The following FBXL19 variants were observed in gnomAD, a reference collection of about 807,000 sequenced individuals.
The protein encoded by FBXL19 is F-box and leucine rich repeat protein 19, also known as F-box/LRR-repeat protein 19.
A neutral mutation model predicts 71.2 loss-of-function variants in FBXL19; 16 were observed. That is an observed-to-expected ratio of 0.22 (90% CI 0.15 to 0.34). The LOEUF (loss-of-function observed/expected upper bound fraction) is 0.34. Among genes scored for constraint, FBXL19 ranks in the 10% least tolerant of loss-of-function variants. The probability of loss-of-function intolerance (pLI) is 1.00; values close to 1 mark genes in which losing one functional copy is unlikely to be tolerated. For synonymous variants in FBXL19, 447 were observed against 409.4 expected, an observed-to-expected ratio of 1.09 and a Z score of -1.11; for missense variants, 658 against 968.2, an observed-to-expected ratio of 0.68 and a Z score of 4.25.
rs553463681 is a variant in FBXL19, at chr16:30,944,290, G to A, written c.1627+1754G>A. On this transcript the variant is annotated intron_variant, in intron 9 of 10. Coordinates refer to ENST00000338343, the MANE Select transcript of FBXL19 (RefSeq NM_001382779.1). ...TTGTGTCATGGGGGTTTGTTGTACC[G>A]ATTATTTCATCACCCAGGTATTAAG... Among the ~76,000 whole-genome samples, 14 of 148,488 alleles carry A rather than the reference G, an allele frequency of 9.4e-5. No homozygotes were observed. The South Asian group carries it at 2.3e-3, about 25-fold the overall frequency.
In FBXL19 at chr16:30,942,189, G is replaced by A; in HGVS notation, c.1375G>A (p.Gly459Ser). ...RKSLTPPMLS[G>S]VVRRQPRALD... ...GTCACTGACCCCGCCCATGCTCAGT[G>A]GTGTGGTTCGCCGCCAGCCCCGTGC... The change falls in exon 8 of 11, where the codon GGT becomes AGT. Residue 459 changes from glycine to serine, a missense_variant. Transcript: ENST00000338343. The surrounding 1 kb of genome is among the most constrained non-coding windows in gnomAD (Gnocchi z 5.7). 1 of 1,594,672 alleles carries A rather than the reference G, an allele frequency of 6.3e-7. No homozygotes were observed. Among genetic ancestry groups the A allele is most frequent in the Non-Finnish European group, 8.5e-7 (1 of 1,171,038 alleles).
rs2055584128 is a variant in FBXL19, at chr16:30,925,837, C to G, written c.83C>G (p.Thr28Ser). The change falls in exon 2 of 11, where the codon ACT (threonine) becomes AGT (serine). Residue 28 changes from threonine to serine, a missense_variant. Transcript: ENST00000338343. This position sits in a 1 kb window ranked among gnomAD's most constrained non-coding sequence, Gnocchi z 5.0. ...RCRRCRACVR[T>S]ECGDCHFCRD... ...CGCCGCTGCCGGGCCTGTGTGCGAA[C>G]TGAGTGCGGGGATTGCCACTTCTGC... 3 of 1,518,010 alleles carry G rather than the reference C, an allele frequency of 2.0e-6. No individual in the cohort carries two copies. In the African/African-American group the frequency reaches 4.3e-5, roughly 22 times the overall value. The allele number at this position is 1,518,010 out of a possible 1,614,324, so 94.0% of individuals were successfully genotyped here.
chr16:30,947,381 C>T lies in FBXL19; in HGVS notation c.*151C>T. 1 of 633,606 alleles carries T rather than the reference C, an allele frequency of 1.6e-6. No individual in the cohort carries two copies. Among genetic ancestry groups the T allele is most frequent in the Non-Finnish European group, 2.7e-6 (1 of 367,380 alleles). The allele number at this position is 633,606 out of a possible 1,614,324, so 39.2% of individuals were successfully genotyped here. A position where few individuals can be genotyped will look rare whatever the true frequency, so the allele number is the denominator to read the frequency against. On this transcript the variant is annotated 3_prime_UTR_variant, in exon 11 of 11. Transcript: ENST00000338343. ...TTCCCACCCAGGGACTCAAGCCAGC[C>T]ACCCCCTTCTTTCCCCCCTGCACTG...
intron 7 of FBXL19, among the ~76,000 whole-genome samples, chr16:30,938,283 G>A (rs1382189700): frequency 6.6e-6 from 1 of 152,096 alleles, no homozygotes; most frequent in Non-Finnish European, 1.5e-5. Context: ...GGGAGGCTGA[G>A]GCAGGAGAAT....
Position 30,928,556 on chromosome 16 carries a change from G to GC in FBXL19, c.723dup (p.Arg242GlnfsTer61), listed in dbSNP as rs1701876265. 5.0e-6 allele frequency: 8 copies of GC among 1,607,898 alleles called. No individual in the cohort carries two copies. The highest frequency in any genetic ancestry group is 5.9e-6 in the Non-Finnish European group (7 of 1,177,240). On this transcript the variant is annotated frameshift_variant, in exon 6 of 11. Coordinates refer to ENST00000338343, the MANE Select transcript of FBXL19 (RefSeq NM_001382779.1). LOFTEE classifies it high-confidence loss of function. ...CGGACCCAGGCGGCCCGGGCCTGCT[G>GC]CCCCCCAGGGTTCTGAATCCGAGCC...
intron 7 of FBXL19, among the ~76,000 whole-genome samples, chr16:30,934,432 C>G (rs1179459873): frequency 6.6e-6 from 1 of 150,576 alleles, no homozygotes; most frequent in Non-Finnish European, 1.5e-5. Context: ...CCGAGGCAGG[C>G]GAATCACCTG....
Position 30,925,513 on chromosome 16 carries a change from C to A in FBXL19, c.-24-218C>A, listed in dbSNP as rs2055580585. The A allele has an allele frequency of 6.6e-6, 3 of 452,442 alleles. No individual in the cohort carries two copies. The highest frequency in any genetic ancestry group is 4.8e-5 in the South Asian group (1 of 20,774). The allele number at this position is 452,442 out of a possible 1,614,324, so 28.0% of individuals were successfully genotyped here. A position where few individuals can be genotyped will look rare whatever the true frequency, so the allele number is the denominator to read the frequency against. ...GGACCCTGAGGAGGCGGTAGAGGAG[C>A]GAGGCCAGGAAGCAGTTCTTGGGCT... is the stretch of plus-strand genomic sequence containing the variant. On this transcript the variant is annotated intron_variant, in intron 1 of 10. Coordinates refer to ENST00000338343, the MANE Select transcript of FBXL19 (RefSeq NM_001382779.1). The surrounding 1 kb of genome is among the most constrained non-coding windows in gnomAD (Gnocchi z 5.0).
chr16:30,943,358 T>G lies in FBXL19; in HGVS notation c.1627+822T>G, dbSNP rs200466705. On this transcript the variant is annotated intron_variant, in intron 9 of 10. Coordinates refer to ENST00000338343, the MANE Select transcript of FBXL19 (RefSeq NM_001382779.1). ...GCGTGTGCCACCACGCCTGGCTAAT[T>G]TTTTTGTAATTTTTTTTTTTTTTTT... 2.1e-5 allele frequency among the ~76,000 whole-genome samples: 3 copies of G among 145,962 alleles called. No homozygotes were observed. The East Asian group carries it at 6.5e-4, about 32-fold the overall frequency.
chr16:30,943,059 C>T (rs1240057137), intron 9 of FBXL19, among the ~76,000 whole-genome samples: 4 of 152,244 alleles, frequency 2.6e-5, no homozygotes, highest in Non-Finnish European at 4.4e-5. Context: ...TCCCCCAGCA[C>T]GTTCTCAGTG....
chr16:30,928,607 G>A lies in FBXL19; in HGVS notation c.768G>A (p.Gly256=). 1 of 1,593,974 alleles carries A rather than the reference G, an allele frequency of 6.3e-7. No individual in the cohort carries two copies. Among genetic ancestry groups the A allele is most frequent in the African/African-American group, 1.4e-5 (1 of 73,904 alleles). The change falls in exon 6 of 11, where the codon GGG becomes GGA. Residue 256 remains glycine (G), a synonymous_variant. Transcript: ENST00000338343. ...PSQAFSSCHP[G]LPPENWEKPK... Reference sequence around the variant, plus strand: ...AGGCTTTCTCATCCTGCCACCCTGGGCTCCCTCCCGAGAACTGGGAGGTGT... The same window carrying A: ...AGGCTTTCTCATCCTGCCACCCTGGACTCCCTCCCGAGAACTGGGAGGTGT...
intron 9 of FBXL19, among the ~76,000 whole-genome samples, chr16:30,943,367 A>ATTTTTTTTTT (rs34002102): frequency 5.9e-5 from 4 of 67,584 alleles, no homozygotes; most frequent in Non-Finnish European, 1.1e-4. Context: ...TTTTTTTGTA[A>ATTTTTTTTTT]TTTTTTTTTT....
In FBXL19 at chr16:30,925,662, G is replaced by A. The variant is rs1005946237; in HGVS notation, c.-24-69G>A. 1 of 1,390,806 alleles carries A rather than the reference G, an allele frequency of 7.2e-7. No individual in the cohort carries two copies. The highest frequency in any genetic ancestry group is 1.5e-5 in the African/African-American group (1 of 65,464). The allele number at this position is 1,390,806 out of a possible 1,614,324, so 86.2% of individuals were successfully genotyped here. ...GGCTCTAGCTGCCTGTAGGTGGAGG[G>A]ACCTGTCAGGGGTCTCCCAGGCCAG... is the stretch of plus-strand genomic sequence containing the variant. On this transcript the variant is annotated intron_variant, in intron 1 of 10. Coordinates refer to ENST00000338343, the MANE Select transcript of FBXL19 (RefSeq NM_001382779.1). This position sits in a 1 kb window ranked among gnomAD's most constrained non-coding sequence, Gnocchi z 5.0.
At chr16:30,936,458 G>A (rs1014077418) in intron 7 of FBXL19, among the ~76,000 whole-genome samples, 4 of 146,492 alleles carry the variant, frequency 2.7e-5, no homozygotes, top group Admixed American at 1.4e-4. Context: ...TTTTTGAGAC[G>A]GAGTCTCACT....
chr16:30,945,662 C>CG (rs1555487716), intron 9 of FBXL19, among the ~76,000 whole-genome samples: 14 of 72,978 alleles, frequency 1.9e-4, no homozygotes, highest in Admixed American at 4.8e-4. Context: ...GACTCCATCT[C>CG]AAAAAAAAAA....
chr16:30,935,707 G>C (rs537659127), intron 7 of FBXL19, among the ~76,000 whole-genome samples: 1 of 152,238 alleles, frequency 6.6e-6, no homozygotes, highest in East Asian at 1.9e-4. Flanking sequence ...AGGGCAGTAA[G>C]GGCTGGTCCA....
chr16:30,946,635 C>T lies in FBXL19; in HGVS notation c.1628-95C>T, dbSNP rs2055861591. On this transcript the variant is annotated intron_variant, in intron 9 of 10. Coordinates refer to ENST00000338343, the MANE Select transcript of FBXL19 (RefSeq NM_001382779.1). The surrounding 1 kb of genome is among the most constrained non-coding windows in gnomAD (Gnocchi z 6.7). ...GCCACAGAGTGCACCAGGTCACTCA[C>T]TTATGTGGGAAGCAGGTGGAGGGCA... is the stretch of plus-strand genomic sequence containing the variant. 2.4e-6 allele frequency: 3 copies of T among 1,238,758 alleles called. No homozygotes were observed. Among genetic ancestry groups the T allele is most frequent in the Middle Eastern group, 2.7e-4 (1 of 3,712 alleles). The allele number at this position is 1,238,758 out of a possible 1,614,324, so 76.7% of individuals were successfully genotyped here.
In FBXL19 at chr16:30,930,337, G is replaced by A; in HGVS notation, c.1054G>A (p.Ala352Thr). The change falls in exon 7 of 11, where the codon GCT becomes ACT. Residue 352 changes from alanine to threonine, a missense_variant. Physicochemically the swap from Ala to Thr is moderately conservative, Grantham distance 58. Around this residue, in one of 8 missense-constraint regions of FBXL19, gnomAD observed 447 missense variants for 515.4 expected, o/e 0.87. Coordinates refer to ENST00000338343, the MANE Select transcript of FBXL19 (RefSeq NM_001382779.1). This position sits in a 1 kb window ranked among gnomAD's most constrained non-coding sequence, Gnocchi z 8.5. ...GAAGGAGAACCGTGGGGGGCGGCGG[G>A]CTGTGCGCCCTGGCAGTGGGGGGCC... ...GEKENRGGRRAVRPGSGGPLL... is the reference protein window; with the variant it reads ...GEKENRGGRRTVRPGSGGPLL... The A allele has an allele frequency of 6.3e-7, 1 of 1,594,742 alleles. No homozygotes were observed. The highest frequency in any genetic ancestry group is 8.5e-7 in the Non-Finnish European group (1 of 1,171,656).
intron 7 of FBXL19, among the ~76,000 whole-genome samples, chr16:30,934,998 C>T (rs1473654431): frequency 6.6e-6 from 1 of 152,138 alleles, no homozygotes; most frequent in Non-Finnish European, 1.5e-5. Flanking sequence ...AGCTCATGGC[C>T]AGAGGTGTGC....
intron 7 of FBXL19, among the ~76,000 whole-genome samples, chr16:30,933,865 G>A (rs1026081570): frequency 6.6e-6 from 1 of 151,802 alleles, no homozygotes; most frequent in East Asian, 1.9e-4. Flanking sequence ...CAGTTCTCCT[G>A]CCTCAGCCTC....
Sources: allele counts gnomAD v4.1 joint callset (sites outside exome capture counted in the v4.1 genomes callset), GRCh38; gene constraint gnomAD v4.1.1; regional missense constraint gnomAD v4.1.1; non-coding constraint Gnocchi (gnomAD v3.1); transcripts MANE v1.5; gene names NCBI Gene and HGNC (gene_info 2026-07-23, HGNC 2026-07-21).